MAD1L1: variants seen among roughly 807,000 people sequenced by gnomAD.
MAD1L1 encodes the protein mitotic spindle assembly checkpoint protein MAD1.
Under a neutral mutation model 96.9 loss-of-function variants are expected in MAD1L1, and 95 were observed. That is an observed-to-expected ratio of 0.98 (90% CI 0.83 to 1.16). The LOEUF is 1.16. Ranked by LOEUF, MAD1L1 falls within the 50% of genes most tolerant of loss-of-function variation. The pLI is 0.00. For missense variants in MAD1L1, 1,007 were observed against 954.4 expected (o/e 1.06, Z -0.73); for synonymous variants, 473 against 396.6 (o/e 1.19, Z -2.29).
At chr7:2,138,211 G>A (rs1378410974) in intron 11 of MAD1L1, among the ~76,000 whole-genome samples, 5 of 152,220 alleles carry the variant, frequency 3.3e-5, no homozygotes, top group African/African-American at 9.6e-5. Context: ...TGCTAAAGAG[G>A]GTGAGAGAAT....
chr7:1,824,305 G>A (rs375967640), intron 18 of MAD1L1, among the ~76,000 whole-genome samples: 37 of 152,066 alleles, frequency 2.4e-4, no homozygotes, highest in African/African-American at 8.7e-4. Flanking sequence ...TTCTAACCTC[G>A]GCTTGGCCAC....
At chr7:1,902,548 T>C (rs1456197858) in intron 17 of MAD1L1, among the ~76,000 whole-genome samples, 1 of 152,242 alleles carries the variant, frequency 6.6e-6, no homozygotes, top group African/African-American at 2.4e-5. Flanking sequence ...AGAGAACCTT[T>C]TAAAGGTACC....
chr7:2,181,378 A>T (rs533425330), intron 10 of MAD1L1, among the ~76,000 whole-genome samples: 22 of 152,354 alleles, frequency 1.4e-4, no homozygotes, highest in African/African-American at 5.3e-4. Flanking sequence ...GCAGCCACTG[A>T]CGTTTCCACA....
intron 10 of MAD1L1, chr7:2,210,049 G>A (rs955338929): frequency 1.3e-5 from 2 of 152,226 alleles, no homozygotes; most frequent in Admixed American, 1.3e-4. Context: ...AAACAGAAAA[G>A]AAAGCCCAGT....
intron 15 of MAD1L1, among the ~76,000 whole-genome samples, chr7:1,963,815 G>T (rs759429894): frequency 6.6e-6 from 1 of 152,192 alleles, no homozygotes; most frequent in Non-Finnish European, 1.5e-5. Context: ...ACAATGCTTC[G>T]CTCCTCTTGA....
intron 10 of MAD1L1, chr7:2,210,131 C>T (rs1792833167): frequency 6.6e-6 from 1 of 152,234 alleles, no homozygotes; most frequent in Non-Finnish European, 1.5e-5. Flanking sequence ...CTCACTCAGT[C>T]ACTGGAGTGC....
chr7:1,850,802 T>C (rs951605793), intron 18 of MAD1L1, among the ~76,000 whole-genome samples: 1 of 152,184 alleles, frequency 6.6e-6, no homozygotes, highest in African/African-American at 2.4e-5. Flanking sequence ...ACATGTTCAC[T>C]GCAGGCCAGA....
chr7:2,069,029 G>A (rs75990188), intron 12 of MAD1L1, among the ~76,000 whole-genome samples, 165 bp downstream of exon 12: 1 of 152,196 alleles, frequency 6.6e-6, no homozygotes, highest in Non-Finnish European at 1.5e-5. Flanking sequence ...CACCGGGGCT[G>A]AGCACTCTCT....
chr7:1,891,818 C>T (rs1442508829), intron 18 of MAD1L1, among the ~76,000 whole-genome samples: 3 of 152,144 alleles, frequency 2.0e-5, no homozygotes, highest in African/African-American at 4.8e-5. Context: ...TGGGCTCAAG[C>T]GATCCCCCCA....
chr7:1,839,930 C>G (rs1783153613), intron 18 of MAD1L1, among the ~76,000 whole-genome samples: 1 of 152,246 alleles, frequency 6.6e-6, no homozygotes, highest in African/African-American at 2.4e-5. Context: ...ACAGACCCTG[C>G]CTGGCCATCG....
At chr7:1,998,832 C>T (rs1233289875) in intron 14 of MAD1L1, among the ~76,000 whole-genome samples, 1 of 151,566 alleles carries the variant, frequency 6.6e-6, no homozygotes, top group Non-Finnish European at 1.5e-5. Context: ...GTCCACAGAC[C>T]CCCTAACCCC....
At position 2,218,060 on chromosome 7, in the gene MAD1L1, A is replaced by G; in HGVS notation, c.597-17T>C. ...TGGCATTTTCTATTGAAAGAAAAAT[A>G]CATCACACACAGAAACAGGCATGCG... is the stretch of plus-strand genomic sequence containing the variant. On this transcript the variant is annotated splice_polypyrimidine_tract_variant and intron_variant, in intron 6 of 18. Coordinates refer to ENST00000265854, the MANE Select transcript of MAD1L1 (RefSeq NM_001013836.2). The G allele has an allele frequency of 6.3e-7, 1 of 1,594,552 alleles. No homozygotes were observed. The highest frequency in any genetic ancestry group is 2.2e-5 in the East Asian group (1 of 44,744).
rs1308423529 is a variant in MAD1L1, at chr7:2,088,077, G to GACCA, written c.1074-18743_1074-18740dup. ...TAGAGAAGAAGAAGACTGGGACTCG[G>GACCA]ACCACACTGACTTCTCCCCTTTAAA... On this transcript the variant is annotated intron_variant, in intron 11 of 18. Transcript: ENST00000265854. This position sits in a 1 kb window ranked among gnomAD's most constrained non-coding sequence, Gnocchi z 4.4. 6.6e-6 allele frequency among the ~76,000 whole-genome samples: 1 copy of GACCA among 152,138 alleles called. No individual in the cohort carries two copies. Among genetic ancestry groups the GACCA allele is most frequent in the Non-Finnish European group, 1.5e-5 (1 of 68,020 alleles).
At position 1,922,293 on chromosome 7, in the gene MAD1L1, G is replaced by C. The variant is rs540210517; in HGVS notation, c.1807+14394C>G. Among the ~76,000 whole-genome samples, 8 of 152,376 alleles carry C rather than the reference G, an allele frequency of 5.3e-5. No individual in the cohort carries two copies. The South Asian group carries it at 1.7e-3, about 32-fold the overall frequency. On this transcript the variant is annotated intron_variant, in intron 17 of 18. Coordinates refer to ENST00000265854, the MANE Select transcript of MAD1L1 (RefSeq NM_001013836.2). ...CGAAGGCAGAGTCTCCATTCACACA[G>C]ACCTCCCACGCCTCGCCTCAGCAGC...
At chr7:1,916,703 G>T (rs1788421537) in intron 17 of MAD1L1, among the ~76,000 whole-genome samples, 1 of 152,118 alleles carries the variant, frequency 6.6e-6, no homozygotes, top group South Asian at 2.1e-4. Context: ...CATGCCCTGT[G>T]CTGCGGGTGT....
At position 1,996,208 on chromosome 7, in the gene MAD1L1, C is replaced by T. The variant is rs200052155; in HGVS notation, c.1416+5857G>A. ...GGCGGGCAGGGTCCCCCCGGGTCTA[C>T]ACACGGCTCCTGGGCGGGCAGGGTC... On this transcript the variant is annotated intron_variant, in intron 14 of 18. Coordinates refer to ENST00000265854, the MANE Select transcript of MAD1L1 (RefSeq NM_001013836.2). Among the ~76,000 whole-genome samples, 157 of 143,228 alleles carry T rather than the reference C, an allele frequency of 1.1e-3. 1 individual carries two copies. The East Asian group carries it at 0.024, about 22-fold the overall frequency. 94.0% of individuals were successfully genotyped at this position (143,228 alleles called of 152,430 possible).
At position 2,204,711 on chromosome 7, in the gene MAD1L1, C is replaced by T. The variant is rs146697264; in HGVS notation, c.986+8501G>A. Among the ~76,000 whole-genome samples the T allele has an allele frequency of 2.7e-3, 414 of 152,360 alleles. 1 individual carries two copies. Among genetic ancestry groups the T allele is most frequent in the Non-Finnish European group, 4.2e-3 (284 of 68,034 alleles). Reference sequence around the variant, plus strand: ...CCTGCTGACAGGCACCTGAGTTGTTCCTGCTCTCAGACTGTTAGAATAAGG... The same window carrying T: ...CCTGCTGACAGGCACCTGAGTTGTTTCTGCTCTCAGACTGTTAGAATAAGG... On this transcript the variant is annotated intron_variant, in intron 10 of 18. Coordinates refer to ENST00000265854, the MANE Select transcript of MAD1L1 (RefSeq NM_001013836.2).
At chr7:2,187,594 G>C (rs910809897) in intron 10 of MAD1L1, among the ~76,000 whole-genome samples, 1 of 152,058 alleles carries the variant, frequency 6.6e-6, no homozygotes, top group Admixed American at 6.6e-5. Context: ...TCAACTTTCC[G>C]AGCAGCTGGA....
At chr7:2,012,365 G>A (rs949883561) in intron 13 of MAD1L1, among the ~76,000 whole-genome samples, 7 of 152,230 alleles carry the variant, frequency 4.6e-5, no homozygotes, top group African/African-American at 9.7e-5. Flanking sequence ...CGCCAGGGAC[G>A]GCAGAAGGGG....
Sources: gnomAD v4.1 joint callset for allele counts (sites outside exome capture counted in the v4.1 genomes callset) on GRCh38, gnomAD v4.1.1 for gene constraint, Gnocchi (gnomAD v3.1) non-coding constraint, MANE v1.5 for transcripts, NCBI Gene and HGNC (gene_info 2026-07-23, HGNC 2026-07-21) for gene names.